The following FIP1L1 variants were observed in gnomAD, a reference collection of about 807,000 sequenced individuals.
FIP1L1 encodes the protein pre-mRNA 3'-end-processing factor FIP1.
A neutral mutation model predicts 84.6 loss-of-function variants in FIP1L1; 21 were observed. The ratio of observed to expected loss-of-function variants is 0.25; its 90% CI spans 0.18 to 0.36. FIP1L1 has a LOEUF of 0.36. FIP1L1 is among the 10% of genes least tolerant of loss of function. The pLI is 1.00. For synonymous variants in FIP1L1, 263 were observed against 242.3 expected (o/e 1.09, Z -0.80); for missense variants, 526 against 751.1 (o/e 0.70, Z 3.50).
intron 4 of FIP1L1, 75 bp from the exon 5 acceptor site, chr4:53,383,698 C>T (rs1739328321): frequency 5.8e-6 from 8 of 1,369,570 alleles, no homozygotes; most frequent in Admixed American, 2.8e-5. Context: ...AGGGTGGTTA[C>T]TTTTTTTAGT....
At chr4:53,427,971 G>A in intron 12 of FIP1L1, 56 bp from the exon 13 acceptor site, 1 of 1,338,332 alleles carries the variant, frequency 7.5e-7, no homozygotes, top group Non-Finnish European at 1.0e-6. Context: ...AATTTACTAA[G>A]ATTAATCTTA....
intron 9 of FIP1L1, among the ~76,000 whole-genome samples, chr4:53,392,638 T>C (rs1744877943): frequency 6.6e-6 from 1 of 152,196 alleles, no homozygotes; most frequent in South Asian, 2.1e-4. Flanking sequence ...TGCATTTTAT[T>C]TTCTTTTAAT....
intron 1 of FIP1L1, 77 bp downstream of exon 1, chr4:53,378,000 G>C: frequency 7.8e-7 from 1 of 1,279,370 alleles, no homozygotes; most frequent in Non-Finnish European, 1.1e-6. Context: ...GGCGTCCCTG[G>C]CCTCTCGCGC....
chr4:53,394,412 T>TC, intron 9 of FIP1L1, among the ~76,000 whole-genome samples: 1 of 152,358 alleles, frequency 6.6e-6, no homozygotes, highest in South Asian at 2.1e-4. Flanking sequence ...GGCTGTTTTT[T>TC]CACATTCCCT....
intron 13 of FIP1L1, among the ~76,000 whole-genome samples, chr4:53,430,762 T>C (rs1271880020): frequency 6.6e-6 from 1 of 152,226 alleles, no homozygotes; most frequent in Non-Finnish European, 1.5e-5. Context: ...ATTTTTCTAC[T>C]TAATTCTCAG....
intron 10 of FIP1L1, among the ~76,000 whole-genome samples, chr4:53,406,462 A>G (rs1431715888): frequency 1.3e-5 from 2 of 152,184 alleles, no homozygotes; most frequent in African/African-American, 4.8e-5. Context: ...ATATTGGTCT[A>G]AAATTCTCTT....
At chr4:53,407,454 T>C (rs1442131609) in intron 10 of FIP1L1, among the ~76,000 whole-genome samples, 1 of 152,128 alleles carries the variant, frequency 6.6e-6, no homozygotes, top group Non-Finnish European at 1.5e-5. Context: ...TTGGAATAGG[T>C]GTGGTGTGGT....
intron 17 of FIP1L1, 65 bp downstream of exon 17, chr4:53,458,855 C>T (rs900484968): frequency 2.6e-6 from 4 of 1,531,408 alleles, no homozygotes; most frequent in Non-Finnish European, 3.5e-6. Flanking sequence ...TACATTGTCG[C>T]ATTGGAAGAG....
At chr4:53,400,811 C>T (rs1196254359) in intron 10 of FIP1L1, among the ~76,000 whole-genome samples, 1 of 152,110 alleles carries the variant, frequency 6.6e-6, no homozygotes, top group Non-Finnish European at 1.5e-5. Flanking sequence ...TAAATATAAT[C>T]TCAAAATGTT....
intron 4 of FIP1L1, 65 bp downstream of exon 4, chr4:53,382,400 T>C (rs1182525470): frequency 2.2e-6 from 3 of 1,349,846 alleles, no homozygotes; most frequent in African/African-American, 1.4e-5. Context: ...ACAGTTTACA[T>C]AGAAAGCAAG....
At chr4:53,459,001 C>T (rs1363519681) in intron 17 of FIP1L1, among the ~76,000 whole-genome samples, 2 of 152,008 alleles carry the variant, frequency 1.3e-5, no homozygotes, top group East Asian at 1.9e-4. Flanking sequence ...ACAGTATTTC[C>T]GGTTTTGAGT....
In FIP1L1 at chr4:53,390,983, A is replaced by G. The variant is rs1287327351; in HGVS notation, c.506-26A>G. The G allele has an allele frequency of 3.2e-6, 5 of 1,546,446 alleles. No homozygotes were observed. In the African/African-American group the frequency reaches 5.6e-5, roughly 17 times the overall value. On this transcript the variant is annotated intron_variant, in intron 7 of 17. Coordinates refer to ENST00000337488, the MANE Select transcript of FIP1L1 (RefSeq NM_030917.4). ...ATAAAAATAGAGCTGAAATATTTGT[A>G]CACTAAAGTTGTGTTTTATCTTTAG...
intron 9 of FIP1L1, among the ~76,000 whole-genome samples, chr4:53,394,702 C>T (rs943654885): frequency 5.9e-5 from 9 of 151,618 alleles, no homozygotes; most frequent in Non-Finnish European, 1.2e-4. Context: ...CAGTTTTTTT[C>T]TTATAGGTTG....
chr4:53,386,176 C>T (rs1482321857), intron 5 of FIP1L1, among the ~76,000 whole-genome samples: 1 of 151,780 alleles, frequency 6.6e-6, no homozygotes. Context: ...TGAGATTGAT[C>T]CATTTATGTA....
chr4:53,424,693 C>G (rs1346409736), intron 11 of FIP1L1, among the ~76,000 whole-genome samples: 1 of 152,056 alleles, frequency 6.6e-6, no homozygotes, highest in Non-Finnish European at 1.5e-5. Context: ...TCAAGGTCTA[C>G]TTGAGATAAA....
intron 15 of FIP1L1, among the ~76,000 whole-genome samples, chr4:53,444,481 A>T (rs1773348861): frequency 6.6e-6 from 1 of 151,988 alleles, no homozygotes; most frequent in Non-Finnish European, 1.5e-5. Flanking sequence ...TTTCTGTATC[A>T]TGTGTAGGTC....
intron 14 of FIP1L1, 58 bp downstream of exon 14, chr4:53,442,765 T>C: frequency 1.1e-6 from 1 of 938,688 alleles, no homozygotes; most frequent in South Asian, 1.5e-5. Flanking sequence ...AGAAGAACCA[T>C]ATACTTGGAA....
At chr4:53,435,118 T>TATTCTATATTCA (rs1292063353) in intron 13 of FIP1L1, among the ~76,000 whole-genome samples, 1 of 152,228 alleles carries the variant, frequency 6.6e-6, no homozygotes, top group East Asian at 1.9e-4. Context: ...TTTATTCTTG[T>TATTCTATATTCA]GTTTTTCTAT....
intron 10 of FIP1L1, among the ~76,000 whole-genome samples, chr4:53,413,836 C>T (rs941922414): frequency 3.3e-5 from 5 of 151,998 alleles, no homozygotes; most frequent in Non-Finnish European, 7.4e-5. Context: ...TCTAACAGTT[C>T]GAAAGGCAAG....
Sources: allele counts gnomAD v4.1 joint callset (sites outside exome capture counted in the v4.1 genomes callset), GRCh38; gene constraint gnomAD v4.1.1; transcripts MANE v1.5; gene names NCBI Gene and HGNC (gene_info 2026-07-23, HGNC 2026-07-21).